Variants in PCDHGA6 observed in about 807,000 individuals in gnomAD.
The protein encoded by PCDHGA6 is protocadherin gamma-A6.
A neutral mutation model predicts 60.6 loss-of-function variants in PCDHGA6; 41 were observed. The observed-to-expected ratio is 0.68, with a 90% CI of 0.53 to 0.88. The LOEUF is 0.88. PCDHGA6 is among the 40% of genes least tolerant of loss of function. The pLI is 0.00. For missense variants in PCDHGA6, 1,312 were observed against 1,203.0 expected (o/e 1.09, Z -1.34); for synonymous variants, 594 against 524.4 (o/e 1.13, Z -1.81).
chr5:141,430,399 T>G (rs2097282187), intron 1 of PCDHGA6, among the ~76,000 whole-genome samples: 1 of 150,106 alleles, frequency 6.7e-6, no homozygotes, highest in Admixed American at 6.6e-5. Flanking sequence ...AAAAAAAAGC[T>G]CACTAAAGTT....
chr5:141,509,979 T>C (rs908103989), intron 3 of PCDHGA6, among the ~76,000 whole-genome samples: 4 of 152,204 alleles, frequency 2.6e-5, no homozygotes, highest in African/African-American at 7.2e-5. Context: ...CTTCTAACAC[T>C]TGGTTCCCTC....
At chr5:141,382,462 TA>T (rs1346990551) in intron 1 of PCDHGA6, among the ~76,000 whole-genome samples, 1 of 152,240 alleles carries the variant, frequency 6.6e-6, no homozygotes, top group East Asian at 1.9e-4. Flanking sequence ...AGCAGTTTTT[TA>T]AAAATTATCT....
chr5:141,455,737 A>T (rs1290390106), intron 1 of PCDHGA6, among the ~76,000 whole-genome samples: 1 of 152,162 alleles, frequency 6.6e-6, no homozygotes, highest in Non-Finnish European at 1.5e-5. Context: ...TTTGCATATC[A>T]AAGGTTGCTG....
At chr5:141,403,003 C>T in intron 1 of PCDHGA6, 3 of 1,613,970 alleles carry the variant, frequency 1.9e-6, no homozygotes, top group South Asian at 1.1e-5. Flanking sequence ...TCCTGCTATG[C>T]TCGCTCCTGG....
Position 141,432,831 on chromosome 5 carries a change from T to C in PCDHGA6, c.2424+56324T>C. 1 of 1,614,206 alleles carries C rather than the reference T, an allele frequency of 6.2e-7. No individual in the cohort carries two copies. Among genetic ancestry groups the C allele is most frequent in the Non-Finnish European group, 8.5e-7 (1 of 1,180,006 alleles). ...AACTCTGAAACCTCAGACCTCACTC[T>C]GTACCTGGTGGTAGCGGTGGCCGCG... On this transcript the variant is annotated intron_variant, in intron 1 of 3. Coordinates refer to ENST00000517434, the MANE Select transcript of PCDHGA6 (RefSeq NM_018919.3). The surrounding 1 kb of genome is among the most constrained non-coding windows in gnomAD (Gnocchi z 6.0).
chr5:141,438,254 A>G (rs916664408), intron 1 of PCDHGA6, among the ~76,000 whole-genome samples: 1 of 152,170 alleles, frequency 6.6e-6, no homozygotes, highest in Non-Finnish European at 1.5e-5. Context: ...CTGTCATTGA[A>G]GAGACCATAG....
At chr5:141,381,157 C>T (rs959682414) in intron 1 of PCDHGA6, among the ~76,000 whole-genome samples, 2 of 152,238 alleles carry the variant, frequency 1.3e-5, no homozygotes, top group African/African-American at 4.8e-5. Flanking sequence ...AAATAGGTTA[C>T]TTAGGAGCCT....
At chr5:141,399,644 A>C in intron 1 of PCDHGA6, 1 of 1,613,810 alleles carries the variant, frequency 6.2e-7, no homozygotes, top group Non-Finnish European at 8.5e-7. Flanking sequence ...ATGAGCGCGC[A>C]AAGTGGGGTG....
chr5:141,496,839 A>G (rs2099771783), intron 2 of PCDHGA6, among the ~76,000 whole-genome samples: 1 of 151,484 alleles, frequency 6.6e-6, no homozygotes. Flanking sequence ...CAGAACTCAT[A>G]GGCTTCCAGA....
chr5:141,439,354 C>G (rs746525653), intron 1 of PCDHGA6, among the ~76,000 whole-genome samples: 7 of 152,186 alleles, frequency 4.6e-5, no homozygotes, highest in Admixed American at 4.6e-4. Context: ...TACAAATACT[C>G]AAACATCAAG....
At chr5:141,433,004 T>G (rs368646186) in intron 1 of PCDHGA6, 48 of 1,614,028 alleles carry the variant, frequency 3.0e-5, no homozygotes, top group Non-Finnish European at 3.4e-5. Context: ...GGTGCAGGCT[T>G]TCCTGCAGAC....
In PCDHGA6 at chr5:141,474,831, G is replaced by A. The variant is rs188288898; in HGVS notation, c.2425-19976G>A. On this transcript the variant is annotated intron_variant, in intron 1 of 3. Coordinates refer to ENST00000517434, the MANE Select transcript of PCDHGA6 (RefSeq NM_018919.3). ...CATCATTAATTGAGGCTTACTCTGTGCCAGGCACTTTACCTGCCTTCTTCA... is the reference window on the plus strand; with the variant it reads ...CATCATTAATTGAGGCTTACTCTGTACCAGGCACTTTACCTGCCTTCTTCA... 5.3e-5 allele frequency among the ~76,000 whole-genome samples: 8 copies of A among 152,350 alleles called. No individual in the cohort carries two copies. The East Asian group carries it at 1.5e-3, about 29-fold the overall frequency.
At chr5:141,467,728 C>A (rs2099150053) in intron 1 of PCDHGA6, among the ~76,000 whole-genome samples, 1 of 152,058 alleles carries the variant, frequency 6.6e-6, no homozygotes, top group Admixed American at 6.5e-5. Context: ...GTGGCACAAT[C>A]CCAGCTCGCT....
Position 141,418,614 on chromosome 5 carries a change from G to A in PCDHGA6, c.2424+42107G>A, listed in dbSNP as rs777074200. ...CAGGACGTGTACAGGGTTAGCCTTC[G>A]GGAAGACGTGCCTCCAGGCACCTCC... is the stretch of plus-strand genomic sequence containing the variant. On this transcript the variant is annotated intron_variant, in intron 1 of 3. Transcript: ENST00000517434. The A allele has an allele frequency of 5.0e-6, 8 of 1,613,876 alleles. No homozygotes were observed. In the East Asian group the frequency reaches 1.1e-4, roughly 22 times the overall value.
chr5:141,425,401 T>C (rs1280463432), intron 1 of PCDHGA6, among the ~76,000 whole-genome samples: 1 of 152,234 alleles, frequency 6.6e-6, no homozygotes, highest in Non-Finnish European at 1.5e-5. Context: ...AAAGTTCTGT[T>C]AAGGTATAAC....
chr5:141,420,313 C>A, intron 1 of PCDHGA6: 1 of 1,434,874 alleles, frequency 7.0e-7, no homozygotes, highest in Non-Finnish European at 9.4e-7. Flanking sequence ...TTTTATATTA[C>A]AATATGCCAA....
chr5:141,394,941 G>C lies in PCDHGA6; in HGVS notation c.2424+18434G>C, dbSNP rs1238884149. The C allele has an allele frequency of 3.1e-6, 5 of 1,613,748 alleles. No individual in the cohort carries two copies. The East Asian group carries it at 1.1e-4, about 36-fold the overall frequency. On this transcript the variant is annotated intron_variant, in intron 1 of 3. Coordinates refer to ENST00000517434, the MANE Select transcript of PCDHGA6 (RefSeq NM_018919.3). Reference sequence around the variant, plus strand: ...CTGTGTCTTCCTCGCCTTTGTCGCTGTGCTTCTGGGGCTCAGGCTGAGGCG... The same window carrying C: ...CTGTGTCTTCCTCGCCTTTGTCGCTCTGCTTCTGGGGCTCAGGCTGAGGCG...
rs1345224043 is a variant in PCDHGA6, at chr5:141,487,695, C to G, written c.2425-7112C>G. Reference sequence around the variant, plus strand: ...TGGCTAGGCCATGTCCTAGAGAGTACTGGCCTCTCAGTAAGTGCCCATAGT... The same window carrying G: ...TGGCTAGGCCATGTCCTAGAGAGTAGTGGCCTCTCAGTAAGTGCCCATAGT... On this transcript the variant is annotated intron_variant, in intron 1 of 3. Transcript: ENST00000517434. The surrounding 1 kb of genome is among the most constrained non-coding windows in gnomAD (Gnocchi z 5.0). 1 of 1,601,306 alleles carries G rather than the reference C, an allele frequency of 6.2e-7. No individual in the cohort carries two copies.
intron 1 of PCDHGA6, chr5:141,417,670 A>T: frequency 1.1e-6 from 1 of 929,118 alleles, no homozygotes; most frequent in Admixed American, 3.2e-5. Context: ...TTCCCTGCGC[A>T]GCCAACAACA....
Sources: allele counts gnomAD v4.1 joint callset (sites outside exome capture counted in the v4.1 genomes callset), GRCh38; gene constraint gnomAD v4.1.1; non-coding constraint Gnocchi (gnomAD v3.1); transcripts MANE v1.5; gene names NCBI Gene and HGNC (gene_info 2026-07-23, HGNC 2026-07-21).